ULK4: variants seen among roughly 807,000 people sequenced by gnomAD.
ULK4 encodes the protein unc-51 like kinase 4.
ULK4 carries 133 observed loss-of-function variants against 160.6 expected under a neutral mutation model. That is an observed-to-expected ratio of 0.83 (90% CI 0.72 to 0.96). The LOEUF (loss-of-function observed/expected upper bound fraction) is 0.96, where lower values mean the gene tolerates loss of function less well. Among genes scored for constraint, ULK4 ranks in the 40% least tolerant of loss-of-function variants. The pLI is 0.00. For synonymous variants in ULK4, 534 were observed against 539.8 expected (o/e 0.99, Z 0.15); for missense variants, 1,580 against 1,499.5 (o/e 1.05, Z -0.89).
chr3:41,865,886 A>G (rs1034728982), intron 17 of ULK4, among the ~76,000 whole-genome samples: 3 of 152,226 alleles, frequency 2.0e-5, no homozygotes, highest in African/African-American at 7.2e-5. Context: ...AAAAGACTTA[A>G]GACAACAAAA....
At chr3:41,373,371 G>A (rs1046347306) in intron 35 of ULK4, among the ~76,000 whole-genome samples, 5 of 152,038 alleles carry the variant, frequency 3.3e-5, no homozygotes, top group African/African-American at 7.2e-5. Context: ...TTCTAAAATC[G>A]ACCACATAAT....
At chr3:41,693,036 A>G (rs532227467) in intron 27 of ULK4, among the ~76,000 whole-genome samples, 1 of 152,228 alleles carries the variant, frequency 6.6e-6, no homozygotes, top group Non-Finnish European at 1.5e-5. Context: ...TTCATAAATA[A>G]CACTTGCATC....
intron 35 of ULK4, among the ~76,000 whole-genome samples, chr3:41,358,382 A>G (rs1358744498): frequency 6.6e-6 from 1 of 152,220 alleles, no homozygotes; most frequent in Non-Finnish European, 1.5e-5. Context: ...ACAAGCAAAT[A>G]GGCAAAACAC....
chr3:41,931,035 T>A (rs1699576649), intron 5 of ULK4, among the ~76,000 whole-genome samples: 1 of 152,230 alleles, frequency 6.6e-6, no homozygotes, highest in African/African-American at 2.4e-5. Flanking sequence ...TGCACACGTA[T>A]GTTTATTGCG....
At chr3:41,895,603 TA>T in intron 15 of ULK4, 39 bp from the exon 16 acceptor site, 1 of 1,323,624 alleles carries the variant, frequency 7.6e-7, no homozygotes. Context: ...AAGAAAAAAT[TA>T]AAATGTTTAA....
chr3:41,841,864 G>C (rs1035403129), intron 17 of ULK4, among the ~76,000 whole-genome samples: 5 of 152,074 alleles, frequency 3.3e-5, no homozygotes, highest in African/African-American at 4.8e-5. Flanking sequence ...TCTGAAACAA[G>C]TGCTGTGTCA....
intron 18 of ULK4, among the ~76,000 whole-genome samples, chr3:41,824,507 C>G (rs111574393): frequency 0.25 from 38,252 of 152,042 alleles, 5,918 homozygotes; most frequent in African/African-American, 0.44. Flanking sequence ...AACAGCACAC[C>G]AGGAGATTAT....
At chr3:41,844,427 T>C (rs1005299186) in intron 17 of ULK4, among the ~76,000 whole-genome samples, 3 of 152,104 alleles carry the variant, frequency 2.0e-5, no homozygotes, top group African/African-American at 4.8e-5. Flanking sequence ...AAGCTCCTCA[T>C]TGCCCGGGGC....
intron 32 of ULK4, among the ~76,000 whole-genome samples, chr3:41,515,052 T>A (rs2085706401): frequency 6.6e-6 from 1 of 151,934 alleles, no homozygotes; most frequent in Non-Finnish European, 1.5e-5. Context: ...GTCAGGAGTT[T>A]TTGTCACCAG....
chr3:41,747,442 G>A (rs1430008370), intron 22 of ULK4, among the ~76,000 whole-genome samples: 2 of 151,852 alleles, frequency 1.3e-5, no homozygotes, highest in Non-Finnish European at 1.5e-5. Flanking sequence ...GCAAAGCTGT[G>A]CCAGAGACTT....
Position 41,895,631 on chromosome 3 carries a change from A to AAT in ULK4, c.1531-69_1531-68dup, listed in dbSNP as rs200189086. ...AATGTTTAAGTCACAAAACACAGAA[A>AAT]ATGACAGCAAAGTTAACAGCTCAGG... On this transcript the variant is annotated intron_variant, in intron 15 of 36. Coordinates refer to ENST00000301831, the MANE Select transcript of ULK4 (RefSeq NM_017886.4). The AAT allele has an allele frequency of 4.9e-6, 5 of 1,020,018 alleles. No individual in the cohort carries two copies. In the East Asian group the frequency reaches 1.5e-4, roughly 30 times the overall value. 63.2% of individuals were successfully genotyped at this position (1,020,018 alleles called of 1,614,324 possible).
At chr3:41,425,164 TA>T (rs2125840745) in intron 34 of ULK4, among the ~76,000 whole-genome samples, 2 of 151,982 alleles carry the variant, frequency 1.3e-5, no homozygotes, top group East Asian at 3.9e-4. Flanking sequence ...CAAGTATCAA[TA>T]ACCAAATAGA....
intron 27 of ULK4, among the ~76,000 whole-genome samples, chr3:41,686,484 G>A (rs1459128373): frequency 7.4e-6 from 1 of 134,990 alleles, no homozygotes; most frequent in Admixed American, 7.0e-5. Flanking sequence ...GGTCTTTTAT[G>A]TGTGTGTGTG....
intron 19 of ULK4, among the ~76,000 whole-genome samples, chr3:41,806,011 G>A (rs543655926): frequency 6.9e-6 from 1 of 144,432 alleles, no homozygotes; most frequent in South Asian, 2.2e-4. Flanking sequence ...AATGAGTTAG[G>A]GAGGATTCCC....
intron 22 of ULK4, among the ~76,000 whole-genome samples, chr3:41,733,047 G>A (rs2037887023): frequency 6.6e-6 from 1 of 152,056 alleles, no homozygotes; most frequent in African/African-American, 2.4e-5. Flanking sequence ...GCACAGTAAG[G>A]TGACTATTAC....
chr3:41,363,325 A>G (rs996282784), intron 35 of ULK4, among the ~76,000 whole-genome samples: 8 of 152,242 alleles, frequency 5.3e-5, no homozygotes, highest in African/African-American at 1.7e-4. Flanking sequence ...ATCTTCATGC[A>G]TAAGTCATGA....
chr3:41,835,652 C>T (rs570946464), intron 18 of ULK4, among the ~76,000 whole-genome samples: 311 of 152,224 alleles, frequency 2.0e-3, no homozygotes, highest in African/African-American at 7.2e-3. Context: ...GGAAAAGAGG[C>T]ACTGGGAGGA....
intron 35 of ULK4, among the ~76,000 whole-genome samples, chr3:41,298,495 A>G (rs1416180656): frequency 6.6e-6 from 1 of 152,214 alleles, no homozygotes; most frequent in African/African-American, 2.4e-5. Context: ...GAAACATTGA[A>G]ATCTTCCTAT....
intron 34 of ULK4, among the ~76,000 whole-genome samples, chr3:41,441,259 A>T (rs2125856683): frequency 6.6e-6 from 1 of 152,116 alleles, no homozygotes; most frequent in South Asian, 2.1e-4. Context: ...ACCTTTCCCA[A>T]ACTTTTCTAA....
Sources: gnomAD v4.1 joint callset for allele counts (sites outside exome capture counted in the v4.1 genomes callset) on GRCh38, gnomAD v4.1.1 for gene constraint, MANE v1.5 for transcripts, NCBI Gene and HGNC (gene_info 2026-07-23, HGNC 2026-07-21) for gene names.